The following SGCZ variants were observed in gnomAD, a reference collection of about 807,000 sequenced individuals.
SGCZ encodes the protein sarcoglycan zeta.
A neutral mutation model predicts 41.3 loss-of-function variants in SGCZ; 40 were observed. The observed-to-expected ratio is 0.97, with a 90% confidence interval of 0.75 to 1.26. The LOEUF (loss-of-function observed/expected upper bound fraction) is 1.26. SGCZ is among the 50% of genes most tolerant of loss of function. The pLI is 0.00. For synonymous variants in SGCZ, 206 were observed against 137.5 expected (o/e 1.50, Z -3.49); for missense variants, 552 against 369.8 (o/e 1.49, Z -4.04).
chr8:14,482,910 C>A (rs750481522), intron 2 of SGCZ, among the ~76,000 whole-genome samples: 2 of 152,056 alleles, frequency 1.3e-5, no homozygotes, highest in Admixed American at 6.6e-5. Flanking sequence ...TCTCCGTTTG[C>A]AGACCACTAA....
intron 1 of SGCZ, among the ~76,000 whole-genome samples, chr8:14,897,663 C>A (rs1017474554): frequency 3.9e-5 from 6 of 152,126 alleles, no homozygotes; most frequent in African/African-American, 1.4e-4. Context: ...TTCATATGTC[C>A]CTGCATAGAC....
At chr8:15,207,878 A>T (rs1012911657) in intron 1 of SGCZ, among the ~76,000 whole-genome samples, 1 of 152,288 alleles carries the variant, frequency 6.6e-6, no homozygotes, top group Admixed American at 6.5e-5. Flanking sequence ...ATAACAGAAA[A>T]TGTATGTTGG....
chr8:14,804,488 GATGAAATGA>G (rs1184457718), intron 1 of SGCZ, among the ~76,000 whole-genome samples: 1 of 122,090 alleles, frequency 8.2e-6, no homozygotes, highest in African/African-American at 3.0e-5. Flanking sequence ...AGCAGTGGAA[GATGAAATGA>G]ATGAAATGAA....
intron 1 of SGCZ, among the ~76,000 whole-genome samples, chr8:15,123,621 C>G (rs138453501): frequency 1.7e-4 from 26 of 152,290 alleles, no homozygotes; most frequent in African/African-American, 5.8e-4. Context: ...TAATCTCATG[C>G]TTTTCACATT....
chr8:14,387,694 G>A (rs1804624226), intron 2 of SGCZ, among the ~76,000 whole-genome samples: 1 of 151,652 alleles, frequency 6.6e-6, no homozygotes, highest in Admixed American at 6.6e-5. Flanking sequence ...TATATGTTGA[G>A]GAGCACAAAA....
chr8:14,801,428 G>A (rs1231848988), intron 1 of SGCZ, among the ~76,000 whole-genome samples: 1 of 152,084 alleles, frequency 6.6e-6, no homozygotes, highest in Non-Finnish European at 1.5e-5. Flanking sequence ...TATAAATTTG[G>A]AAGATGGATG....
intron 2 of SGCZ, among the ~76,000 whole-genome samples, chr8:14,413,282 A>T (rs79840007): frequency 0.015 from 2,316 of 152,110 alleles, 61 homozygotes; most frequent in African/African-American, 0.052. Context: ...GGTTATTCTC[A>T]GGAAGTTCAG....
chr8:14,542,456 A>G (rs1803498841), intron 2 of SGCZ, among the ~76,000 whole-genome samples: 1 of 152,132 alleles, frequency 6.6e-6, no homozygotes, highest in Non-Finnish European at 1.5e-5. Flanking sequence ...ACAGAGAAAC[A>G]AAAGGAAACC....
chr8:14,132,305 A>G (rs1803065556), intron 5 of SGCZ, among the ~76,000 whole-genome samples: 1 of 152,176 alleles, frequency 6.6e-6, no homozygotes, highest in Admixed American at 6.5e-5. Flanking sequence ...TTATTTTTGA[A>G]TAAGTTTATT....
At chr8:14,278,960 G>C (rs1585312884) in intron 3 of SGCZ, among the ~76,000 whole-genome samples, 1 of 152,112 alleles carries the variant, frequency 6.6e-6, no homozygotes, top group Non-Finnish European at 1.5e-5. Flanking sequence ...GTATCTCTCT[G>C]AATAAATTTA....
intron 1 of SGCZ, among the ~76,000 whole-genome samples, chr8:14,920,690 A>T (rs999522816): frequency 6.6e-6 from 1 of 152,188 alleles, no homozygotes; most frequent in Non-Finnish European, 1.5e-5. Context: ...GAGATTTAAA[A>T]ATATTATAGA....
chr8:14,385,966 A>G (rs1804559969), intron 2 of SGCZ, among the ~76,000 whole-genome samples: 1 of 152,192 alleles, frequency 6.6e-6, no homozygotes, highest in Non-Finnish European at 1.5e-5. Context: ...GATTACTTAT[A>G]ATACCAAATA....
chr8:14,210,416 C>T (rs899310476), intron 4 of SGCZ, among the ~76,000 whole-genome samples: 2 of 151,884 alleles, frequency 1.3e-5, no homozygotes, highest in African/African-American at 4.8e-5. Context: ...TGGAATTACC[C>T]TTAATTGTTC....
intron 1 of SGCZ, among the ~76,000 whole-genome samples, chr8:14,556,951 T>C (rs1804052135): frequency 6.6e-6 from 1 of 152,064 alleles, no homozygotes; most frequent in African/African-American, 2.4e-5. Context: ...AGGTACTCAG[T>C]AGTGGGATTG....
intron 1 of SGCZ, among the ~76,000 whole-genome samples, chr8:15,080,191 G>T (rs1317892550): frequency 6.6e-6 from 1 of 152,106 alleles, no homozygotes; most frequent in African/African-American, 2.4e-5. Context: ...CAGATATTCA[G>T]TGAAATTTTT....
intron 2 of SGCZ, among the ~76,000 whole-genome samples, chr8:14,472,850 A>C (rs1374796432): frequency 9.2e-5 from 14 of 152,276 alleles, no homozygotes; most frequent in African/African-American, 2.6e-4. Context: ...AAACAAAAAA[A>C]GGTTATATTA....
intron 1 of SGCZ, among the ~76,000 whole-genome samples, chr8:14,877,472 T>C (rs1267820176): frequency 6.6e-6 from 1 of 152,222 alleles, no homozygotes; most frequent in Non-Finnish European, 1.5e-5. Context: ...ATCATGATAA[T>C]TGCTTTAATT....
intron 2 of SGCZ, among the ~76,000 whole-genome samples, chr8:14,387,164 C>A (rs953671872): frequency 6.6e-6 from 1 of 152,136 alleles, no homozygotes; most frequent in Admixed American, 6.6e-5. Context: ...CCTCCTGCCT[C>A]AGCCTCCTGA....
At chr8:14,394,781 A>C (rs1010108105) in intron 2 of SGCZ, among the ~76,000 whole-genome samples, 3 of 152,328 alleles carry the variant, frequency 2.0e-5, no homozygotes, top group Middle Eastern at 3.4e-3. Flanking sequence ...ACAAAAAATC[A>C]TGAAGGTAAA....
Sources: gnomAD v4.1 joint callset for allele counts (sites outside exome capture counted in the v4.1 genomes callset) on GRCh38, gnomAD v4.1.1 for gene constraint, MANE v1.5 for transcripts, NCBI Gene and HGNC (gene_info 2026-07-23, HGNC 2026-07-21) for gene names.